The following TBK1 variants were observed in gnomAD, a reference collection of about 807,000 sequenced individuals.
The protein encoded by TBK1 is serine/threonine-protein kinase TBK1.
In TBK1, 37 loss-of-function variants were observed where a neutral mutation model predicts 99.9. The ratio of observed to expected loss-of-function variants is 0.37; its 90% CI spans 0.28 to 0.49. TBK1 has a LOEUF of 0.49. Among genes scored for constraint, TBK1 ranks in the 20% least tolerant of loss-of-function variants. TBK1 has a pLI of 0.98. For missense variants in TBK1, 644 were observed against 872.5 expected (o/e 0.74, Z 3.30); for synonymous variants, 258 against 279.8 (o/e 0.92, Z 0.78).
rs747707900 is a variant in TBK1 at position 64,485,988 on chromosome 12, A to G, written c.1311A>G (p.Glu437=). The change falls in exon 11 of 21, where the codon GAA becomes GAG. Residue 437 remains glutamate (E), a synonymous_variant. Transcript: ENST00000331710. ...RIASTLLLYQ[E]LMRKGIRWLI... Reference sequence around the variant, plus strand: ...CCAGTACCTTACTGCTTTATCAGGAATTAATGCGAAAGGGGATACGATGGC... The same window carrying G: ...CCAGTACCTTACTGCTTTATCAGGAGTTAATGCGAAAGGGGATACGATGGC... 3.1e-6 allele frequency: 5 copies of G among 1,592,252 alleles called. No individual in the cohort carries two copies. In the South Asian group the frequency reaches 5.7e-5, roughly 18 times the overall value.
chr12:64,464,112 T>G (rs1475376157), intron 3 of TBK1, among the ~76,000 whole-genome samples: 1 of 152,176 alleles, frequency 6.6e-6, no homozygotes. Context: ...TCCGCCCACC[T>G]CAGCCTCCCA....
intron 5 of TBK1, among the ~76,000 whole-genome samples, chr12:64,472,270 G>A (rs770069152): frequency 1.0e-4 from 5 of 50,018 alleles, no homozygotes; most frequent in African/African-American, 3.4e-4. Context: ...CCACCACCCC[G>A]ACCCTCAGAA....
At chr12:64,471,813 A>G (rs1049009416) in intron 5 of TBK1, among the ~76,000 whole-genome samples, 1 of 152,098 alleles carries the variant, frequency 6.6e-6, no homozygotes, top group Non-Finnish European at 1.5e-5. Flanking sequence ...GCACAAATGT[A>G]TCAGACCAGC....
chr12:64,488,488 GAATT>G lies in TBK1; in HGVS notation c.1349_1352del (p.Ile450LysfsTer15), dbSNP rs876657404. 2.6e-6 allele frequency: 4 copies of G among 1,548,910 alleles called. No individual in the cohort carries two copies. Among genetic ancestry groups the G allele is most frequent in the Non-Finnish European group, 2.6e-6 (3 of 1,149,990 alleles). ...ATTAGAATAATTTTCTTTTTTTAGTGAATTAATTAAAGATGATTACAATGAAACT... is the reference window on the plus strand; with the variant it reads ...ATTAGAATAATTTTCTTTTTTTAGTGAATTAAAGATGATTACAATGAAACT... On this transcript the variant is annotated frameshift_variant and splice_region_variant, in exon 12 of 21. Transcript: ENST00000331710. LOFTEE classifies it high-confidence loss of function.
At chr12:64,469,681 C>A (rs971651743) in intron 5 of TBK1, among the ~76,000 whole-genome samples, 2 of 152,208 alleles carry the variant, frequency 1.3e-5, no homozygotes, top group African/African-American at 4.8e-5. Flanking sequence ...TTCTTCCAGA[C>A]TGCCTCCTTT....
intron 3 of TBK1, among the ~76,000 whole-genome samples, chr12:64,462,174 G>A (rs1592354853): frequency 6.6e-6 from 1 of 152,196 alleles, no homozygotes; most frequent in East Asian, 1.9e-4. Context: ...AAAGCCCCCA[G>A]AGGAACAAAG....
intron 6 of TBK1, among the ~76,000 whole-genome samples, chr12:64,479,403 C>T (rs2040745267): frequency 6.6e-6 from 1 of 152,174 alleles, no homozygotes; most frequent in African/African-American, 2.4e-5. Context: ...GCTGAGGAAG[C>T]AGCAAATGGT....
chr12:64,463,857 G>GTTTTTTTT (rs372307706), intron 3 of TBK1, among the ~76,000 whole-genome samples: 1 of 122,844 alleles, frequency 8.1e-6, no homozygotes, highest in African/African-American at 3.0e-5. Context: ...GAAAATGTTA[G>GTTTTTTTT]TTTTTTTTTT....
intron 4 of TBK1, 49 bp from the exon 5 acceptor site, chr12:64,466,852 T>C (rs1361380349): frequency 7.1e-7 from 1 of 1,414,950 alleles, no homozygotes; most frequent in East Asian, 2.6e-5. Context: ...CATGCACACA[T>C]ACACGTAAAT....
chr12:64,459,643 G>A (rs759649577), intron 2 of TBK1, among the ~76,000 whole-genome samples: 2 of 152,106 alleles, frequency 1.3e-5, no homozygotes, highest in African/African-American at 2.4e-5. Context: ...CTTTAGCCTC[G>A]CTCTGCAACT....
intron 1 of TBK1, among the ~76,000 whole-genome samples, chr12:64,453,087 G>C (rs2040445571): frequency 6.6e-6 from 1 of 152,178 alleles, no homozygotes; most frequent in South Asian, 2.1e-4. Flanking sequence ...TTGAGTGTCT[G>C]CTTATATGCT....
intron 10 of TBK1, 60 bp downstream of exon 10, chr12:64,485,573 G>T: frequency 4.7e-6 from 4 of 849,158 alleles, no homozygotes; most frequent in Non-Finnish European, 5.5e-6. Context: ...TATCAATAGT[G>T]GAAGCAATAA....
chr12:64,501,393 A>G lies in TBK1; in HGVS notation c.*12A>G, dbSNP rs1384832475. On this transcript the variant is annotated 3_prime_UTR_variant, in exon 21 of 21. Coordinates refer to ENST00000331710, the MANE Select transcript of TBK1 (RefSeq NM_013254.4). ...TTGACTGTCTTTAGCTTTCTAATAGAAGTTTAAGAAAAGTTTCCGTTTGCA... is the reference window on the plus strand; with the variant it reads ...TTGACTGTCTTTAGCTTTCTAATAGGAGTTTAAGAAAAGTTTCCGTTTGCA... 6.2e-7 allele frequency: 1 copy of G among 1,612,268 alleles called. No homozygotes were observed. Among genetic ancestry groups the G allele is most frequent in the Non-Finnish European group, 8.5e-7 (1 of 1,179,632 alleles).
chr12:64,495,454 T>C (rs750315472), intron 13 of TBK1, 29 bp from the exon 14 acceptor site: 6 of 1,608,258 alleles, frequency 3.7e-6, no homozygotes, highest in Non-Finnish European at 5.1e-6. Context: ...CTTTTGGCAA[T>C]CTGGATCTGA....
intron 1 of TBK1, among the ~76,000 whole-genome samples, chr12:64,454,802 G>T (rs190888490): frequency 6.9e-6 from 1 of 145,878 alleles, no homozygotes. Context: ...TCAGCCTCCC[G>T]AGTAGCTGGG....
At chr12:64,499,068 C>T (rs938575947) in intron 20 of TBK1, among the ~76,000 whole-genome samples, 19 of 105,108 alleles carry the variant, frequency 1.8e-4, no homozygotes, top group African/African-American at 5.9e-4. Flanking sequence ...TCCCCCGAGA[C>T]GGAGTTTCGC....
chr12:64,490,758 T>G (rs866517868), intron 13 of TBK1, among the ~76,000 whole-genome samples: 1 of 151,806 alleles, frequency 6.6e-6, no homozygotes, highest in African/African-American at 2.4e-5. Flanking sequence ...GCCAACATGG[T>G]GAAACCCCGT....
In TBK1 at chr12:64,457,135, G is replaced by GCTT. The variant is rs534087792; in HGVS notation, c.87+1180_87+1182dup. ...CTAAACGTTTTAGTAGAGAGGAATT[G>GCTT]CTTCCTCTTTTCCTGTATTCTTGAG... On this transcript the variant is annotated intron_variant, in intron 2 of 20. Coordinates refer to ENST00000331710, the MANE Select transcript of TBK1 (RefSeq NM_013254.4). Among the ~76,000 whole-genome samples the GCTT allele has an allele frequency of 2.4e-4, 37 of 152,230 alleles. No homozygotes were observed. In the East Asian group the frequency reaches 6.6e-3, roughly 27 times the overall value.
rs769754825 is a variant in TBK1, at chr12:64,490,139, C to T, written c.1521+20C>T. ...TTGAGAGTAAGTGTTTACAAAATTACGAAATTTGTAAGCTCATAACCTATT... is the reference window on the plus strand; with the variant it reads ...TTGAGAGTAAGTGTTTACAAAATTATGAAATTTGTAAGCTCATAACCTATT... On this transcript the variant is annotated intron_variant, in intron 13 of 20. Coordinates refer to ENST00000331710, the MANE Select transcript of TBK1 (RefSeq NM_013254.4). The T allele has an allele frequency of 6.7e-5, 105 of 1,561,208 alleles. No homozygotes were observed. Among genetic ancestry groups the T allele is most frequent in the Non-Finnish European group, 8.2e-5 (93 of 1,138,948 alleles).
Sources: gnomAD v4.1 joint callset for allele counts (sites outside exome capture counted in the v4.1 genomes callset) on GRCh38, gnomAD v4.1.1 for gene constraint, MANE v1.5 for transcripts, NCBI Gene and HGNC (gene_info 2026-07-23, HGNC 2026-07-21) for gene names.